CDH12: variants seen among roughly 807,000 people sequenced by gnomAD.
CDH12 encodes cadherin-12.
A neutral mutation model predicts 74.1 loss-of-function variants in CDH12; 41 were observed. The observed-to-expected ratio is 0.55, with a 90% CI of 0.43 to 0.72. The LOEUF is 0.72. CDH12 is among the 30% of genes least tolerant of loss of function. The pLI is 0.00. For missense variants in CDH12, 945 were observed against 977.2 expected (o/e 0.97, Z 0.44); for synonymous variants, 399 against 355.0 (o/e 1.12, Z -1.39).
intron 1 of CDH12, among the ~76,000 whole-genome samples, chr5:22,790,400 G>A (rs1318910947): frequency 6.6e-6 from 1 of 152,066 alleles, no homozygotes; most frequent in African/African-American, 2.4e-5. Context: ...AAAGGGTCTT[G>A]TATTTGCCAG....
chr5:21,843,107 C>CAAAACCT (rs1409970421), intron 7 of CDH12, among the ~76,000 whole-genome samples: 4 of 152,008 alleles, frequency 2.6e-5, no homozygotes, highest in Admixed American at 1.3e-4. Flanking sequence ...GTAAAAGAAC[C>CAAAACCT]AAAACCTCCT....
intron 4 of CDH12, among the ~76,000 whole-genome samples, chr5:22,190,142 G>T (rs1415473053): frequency 6.6e-6 from 1 of 152,164 alleles, no homozygotes; most frequent in Admixed American, 6.5e-5. Context: ...GATCATGTCT[G>T]GGGTGATGAC....
chr5:22,304,985 T>C (rs1005879499), intron 3 of CDH12, among the ~76,000 whole-genome samples: 4 of 152,222 alleles, frequency 2.6e-5, no homozygotes, highest in Admixed American at 6.5e-5. Flanking sequence ...GCAGAGTCAA[T>C]TCATAAATAT....
Position 21,948,009 on chromosome 5 carries a change from C to G in CDH12, c.526+27082G>C, listed in dbSNP as rs1463559772. Among the ~76,000 whole-genome samples the G allele has an allele frequency of 2.0e-5, 3 of 152,296 alleles. No homozygotes were observed. The East Asian group carries it at 5.8e-4, about 29-fold the overall frequency. ...CCATATGATGTTGGGCCTGAGGGTA[C>G]ACAGAAGTCAAGAATTCAGGTGTGG... On this transcript the variant is annotated intron_variant, in intron 6 of 14. Coordinates refer to ENST00000382254, the MANE Select transcript of CDH12 (RefSeq NM_004061.5).
At chr5:22,200,451 C>G (rs1750867196) in intron 4 of CDH12, among the ~76,000 whole-genome samples, 1 of 152,078 alleles carries the variant, frequency 6.6e-6, no homozygotes, top group African/African-American at 2.4e-5. Context: ...AGAAATGTCA[C>G]CCAGTTATTA....
chr5:22,117,490 T>TAATATATATA (rs1561129064), intron 4 of CDH12, among the ~76,000 whole-genome samples: 1 of 69,016 alleles, frequency 1.4e-5, no homozygotes, highest in African/African-American at 6.4e-5. Flanking sequence ...ATATATATAT[T>TAATATATATA]ATATATATAT....
chr5:22,380,289 A>G (rs1741704267), intron 3 of CDH12, among the ~76,000 whole-genome samples: 1 of 152,172 alleles, frequency 6.6e-6, no homozygotes, highest in Non-Finnish European at 1.5e-5. Flanking sequence ...AGCATATTTC[A>G]TACTAATTAT....
intron 2 of CDH12, among the ~76,000 whole-genome samples, chr5:22,408,472 AC>A (rs146393186): frequency 0.04 from 6,093 of 151,862 alleles, 427 homozygotes; most frequent in African/African-American, 0.14. Flanking sequence ...ATATCTGGCA[AC>A]CTTACGACCA....
chr5:22,105,613 G>A (rs1321136964), intron 4 of CDH12, among the ~76,000 whole-genome samples: 1 of 151,438 alleles, frequency 6.6e-6, no homozygotes, highest in Non-Finnish European at 1.5e-5. Context: ...AAGGATAATC[G>A]CTTGAACCCA....
chr5:21,784,770 CTATT>C (rs1746108436), intron 10 of CDH12, among the ~76,000 whole-genome samples: 6 of 152,122 alleles, frequency 3.9e-5, no homozygotes, highest in Admixed American at 3.9e-4. Flanking sequence ...ACATAAAAAA[CTATT>C]TATTTTGACA....
chr5:22,756,522 A>G (rs1285559010), intron 1 of CDH12, among the ~76,000 whole-genome samples: 6 of 152,152 alleles, frequency 3.9e-5, no homozygotes, highest in Admixed American at 2.0e-4. Context: ...CAAAAGACTT[A>G]TTTTGTTATC....
chr5:22,323,811 A>G (rs1408275715), intron 3 of CDH12, among the ~76,000 whole-genome samples: 1 of 152,156 alleles, frequency 6.6e-6, no homozygotes, highest in Non-Finnish European at 1.5e-5. Flanking sequence ...GGGAGAAGGA[A>G]CATGTTATAC....
chr5:22,633,653 G>A (rs917553318), intron 1 of CDH12, among the ~76,000 whole-genome samples: 3 of 152,092 alleles, frequency 2.0e-5, no homozygotes, highest in African/African-American at 7.2e-5. Context: ...GACTGTTTGA[G>A]GTATGACAGT....
chr5:22,849,731 C>T (rs1390793384), intron 1 of CDH12, among the ~76,000 whole-genome samples: 1 of 152,016 alleles, frequency 6.6e-6, no homozygotes, highest in Admixed American at 6.6e-5. Flanking sequence ...CAGATATATG[C>T]ATGAGATGTA....
chr5:22,443,818 TAAAC>T (rs1044124180), intron 2 of CDH12, among the ~76,000 whole-genome samples: 21 of 152,208 alleles, frequency 1.4e-4, no homozygotes, highest in African/African-American at 2.2e-4. Context: ...TTTCAAATAA[TAAAC>T]AAACTTTTTC....
At chr5:22,760,743 T>G (rs1486564860) in intron 1 of CDH12, among the ~76,000 whole-genome samples, 1 of 150,430 alleles carries the variant, frequency 6.6e-6, no homozygotes, top group Non-Finnish European at 1.5e-5. Flanking sequence ...CGTCAAACAT[T>G]CTGATGTATT....
intron 3 of CDH12, among the ~76,000 whole-genome samples, chr5:22,336,566 G>A (rs947251472): frequency 6.6e-6 from 1 of 152,190 alleles, no homozygotes; most frequent in Non-Finnish European, 1.5e-5. Context: ...ATCAAAAGTG[G>A]CCAAGGTACA....
intron 1 of CDH12, among the ~76,000 whole-genome samples, chr5:22,552,648 T>C (rs767742437): frequency 8.5e-5 from 13 of 152,066 alleles, no homozygotes; most frequent in Non-Finnish European, 1.9e-4. Context: ...AGGGTTGTCT[T>C]GATCTCCTAA....
intron 6 of CDH12, among the ~76,000 whole-genome samples, chr5:21,931,803 C>G (rs1256717628): frequency 2.6e-5 from 4 of 152,102 alleles, no homozygotes; most frequent in Admixed American, 1.3e-4. Flanking sequence ...CTAAGACTGG[C>G]CTTAAGAAGA....
Sources: allele counts gnomAD v4.1 joint callset (sites outside exome capture counted in the v4.1 genomes callset), GRCh38; gene constraint gnomAD v4.1.1; transcripts MANE v1.5; gene names NCBI Gene and HGNC (gene_info 2026-07-23, HGNC 2026-07-21).